Variants in ALDH5A1 observed in about 807,000 individuals in gnomAD.
The protein encoded by ALDH5A1 is succinate-semialdehyde dehydrogenase, mitochondrial.
A neutral mutation model predicts 54.7 loss-of-function variants in ALDH5A1; 33 were observed. The observed-to-expected ratio is 0.60, with a 90% CI of 0.46 to 0.81. The LOEUF (loss-of-function observed/expected upper bound fraction) is 0.81, where lower values mean the gene tolerates loss of function less well. ALDH5A1 is among the 30% of genes least tolerant of loss of function. The pLI is 0.00. For synonymous variants in ALDH5A1, 294 were observed against 292.7 expected (o/e 1.00, Z -0.05); for missense variants, 657 against 711.0 (o/e 0.92, Z 0.86).
intron 5 of ALDH5A1, among the ~76,000 whole-genome samples, chr6:24,516,685 A>T (rs895588382): frequency 6.6e-6 from 1 of 152,030 alleles, no homozygotes; most frequent in African/African-American, 2.4e-5. Context: ...CACACCTGTA[A>T]TCCTCACACT....
rs767854850 is a variant in ALDH5A1, at chr6:24,532,180, A to C, written c.1402+3A>C. On this transcript the variant is annotated splice_donor_region_variant and intron_variant, in intron 9 of 9. Transcript: ENST00000357578. ...CGCAGCTGATGTTGGGTTAGCAGGT[A>C]GGTGTTTGTCCTTGTTCAATACCAG... 10 of 1,614,090 alleles carry C rather than the reference A, an allele frequency of 6.2e-6. No homozygotes were observed. Among genetic ancestry groups the C allele is most frequent in the Non-Finnish European group, 8.5e-6 (10 of 1,179,914 alleles).
At chr6:24,507,175 A>G (rs141407693) in intron 4 of ALDH5A1, among the ~76,000 whole-genome samples, 2 of 152,332 alleles carry the variant, frequency 1.3e-5, no homozygotes, top group East Asian at 3.9e-4. Context: ...TGCTTATGTT[A>G]ATGTCTCTCT....
chr6:24,510,183 C>A lies in ALDH5A1; in HGVS notation c.727-4984C>A, dbSNP rs531159706. On this transcript the variant is annotated intron_variant, in intron 4 of 9. Transcript: ENST00000357578. Reference sequence around the variant, plus strand: ...TCTGAGAGAGTGCTTGATATAATTTCAATTTTCTTAAATTTATTGAGGCTC... The same window carrying A: ...TCTGAGAGAGTGCTTGATATAATTTAAATTTTCTTAAATTTATTGAGGCTC... 6.6e-5 allele frequency among the ~76,000 whole-genome samples: 10 copies of A among 152,240 alleles called. No homozygotes were observed. In the East Asian group the frequency reaches 1.9e-3, roughly 29 times the overall value.
rs768146913 is a variant in ALDH5A1 at position 24,536,502 on chromosome 6, C to T, written c.*2790C>T. The T allele has an allele frequency of 6.6e-6, 1 of 152,170 alleles. No homozygotes were observed. The highest frequency in any genetic ancestry group is 1.5e-5 in the Non-Finnish European group (1 of 68,028). The allele number at this position is 152,170 out of a possible 1,614,324, so 9.4% of individuals were successfully genotyped here. On this transcript the variant is annotated 3_prime_UTR_variant, in exon 10 of 10. Coordinates refer to ENST00000357578, the MANE Select transcript of ALDH5A1 (RefSeq NM_001080.3). Reference sequence around the variant, plus strand: ...AGCCTAAAAGATTTACTACTTGTCTCCTTAAAGAAAAAGTTTGCCAGCTCC... The same window carrying T: ...AGCCTAAAAGATTTACTACTTGTCTTCTTAAAGAAAAAGTTTGCCAGCTCC...
chr6:24,497,244 TC>T (rs1320590871), intron 1 of ALDH5A1, among the ~76,000 whole-genome samples: 4 of 152,200 alleles, frequency 2.6e-5, no homozygotes, highest in African/African-American at 9.6e-5. Flanking sequence ...CTTCCAGTGT[TC>T]CGTTTCTGTC....
At chr6:24,501,949 A>ATCTG (rs1554136360) in intron 1 of ALDH5A1, among the ~76,000 whole-genome samples, 1 of 150,060 alleles carries the variant, frequency 6.7e-6, no homozygotes, top group African/African-American at 2.5e-5. Context: ...GTATATATAT[A>ATCTG]TGTGTATGTG....
chr6:24,531,147 C>T (rs558338984), intron 8 of ALDH5A1, among the ~76,000 whole-genome samples: 7 of 152,342 alleles, frequency 4.6e-5, no homozygotes, highest in Admixed American at 4.6e-4. Flanking sequence ...GCTATCTGTA[C>T]CGTCTTATCC....
Position 24,522,926 on chromosome 6 carries a change from G to A in ALDH5A1, c.1173+1G>A. On this transcript the variant is annotated splice_donor_variant, in intron 7 of 9. Coordinates refer to ENST00000357578, the MANE Select transcript of ALDH5A1 (RefSeq NM_001080.3). LOFTEE classifies it high-confidence loss of function. Reference sequence around the variant, plus strand: ...AATTAATGAAAAAGCGGTAGAAAAGGTAAGTATATTGTATTATTTGTGAAA... The same window carrying A: ...AATTAATGAAAAAGCGGTAGAAAAGATAAGTATATTGTATTATTTGTGAAA... The A allele has an allele frequency of 6.6e-7, 1 of 1,506,134 alleles. No homozygotes were observed. The highest frequency in any genetic ancestry group is 9.0e-7 in the Non-Finnish European group (1 of 1,111,094). The allele number at this position is 1,506,134 out of a possible 1,614,324, so 93.3% of individuals were successfully genotyped here.
At chr6:24,523,291 CA>C (rs1759739274) in intron 7 of ALDH5A1, among the ~76,000 whole-genome samples, 1 of 136,434 alleles carries the variant, frequency 7.3e-6, no homozygotes, top group Admixed American at 7.3e-5. Flanking sequence ...TGTTTTCATA[CA>C]AAAACCACAA....
intron 8 of ALDH5A1, among the ~76,000 whole-genome samples, chr6:24,531,754 G>T (rs1396848740): frequency 6.6e-6 from 1 of 152,130 alleles, no homozygotes; most frequent in Non-Finnish European, 1.5e-5. Flanking sequence ...GCTACATCAG[G>T]CTTGCTTCTA....
intron 5 of ALDH5A1, 27 bp downstream of exon 5, chr6:24,515,337 C>G: frequency 6.2e-7 from 1 of 1,610,306 alleles, no homozygotes; most frequent in Non-Finnish European, 8.5e-7. Flanking sequence ...TCAAAGAAAA[C>G]AAATGTCTTT....
At chr6:24,507,274 G>T (rs1436196829) in intron 4 of ALDH5A1, among the ~76,000 whole-genome samples, 1 of 151,742 alleles carries the variant, frequency 6.6e-6, no homozygotes, top group Non-Finnish European at 1.5e-5. Context: ...TGGGCCTATC[G>T]TGCTTATAAA....
intron 7 of ALDH5A1, 72 bp from the exon 8 acceptor site, chr6:24,527,925 T>C (rs1041417444): frequency 5.1e-6 from 8 of 1,557,806 alleles, no homozygotes; most frequent in African/African-American, 1.4e-5. Flanking sequence ...GAACTAGTTA[T>C]AGTTTTCTGC....
chr6:24,513,757 C>T (rs570244295), intron 4 of ALDH5A1, among the ~76,000 whole-genome samples: 5 of 146,096 alleles, frequency 3.4e-5, no homozygotes, highest in South Asian at 5.2e-4. Flanking sequence ...CTCAGAGGAA[C>T]AGCTGTGGAC....
At chr6:24,504,826 T>C in intron 3 of ALDH5A1, 43 bp from the exon 4 acceptor site, 3 of 1,559,210 alleles carry the variant, frequency 1.9e-6, no homozygotes, top group Non-Finnish European at 2.7e-6. Flanking sequence ...ACTAAGGAGG[T>C]GGTCCTTCCT....
intron 1 of ALDH5A1, among the ~76,000 whole-genome samples, chr6:24,501,777 C>A (rs555723359): frequency 6.6e-6 from 1 of 151,576 alleles, no homozygotes; most frequent in African/African-American, 2.4e-5. Flanking sequence ...CAAACCCAGA[C>A]CCTGTCTCAA....
intron 4 of ALDH5A1, 104 bp from the exon 5 acceptor site, chr6:24,515,063 C>T (rs1759536147): frequency 2.4e-6 from 3 of 1,259,294 alleles, no homozygotes; most frequent in South Asian, 2.7e-5. Context: ...ATTTTTCTTC[C>T]ATTACTTTTT....
chr6:24,532,291 G>A, intron 9 of ALDH5A1, 114 bp downstream of exon 9: 1 of 1,044,348 alleles, frequency 9.6e-7, no homozygotes, highest in East Asian at 2.5e-5. Context: ...AATGAGGTAT[G>A]TGTTTTGTTG....
At chr6:24,499,695 C>T (rs1764783207) in intron 1 of ALDH5A1, among the ~76,000 whole-genome samples, 1 of 139,262 alleles carries the variant, frequency 7.2e-6, no homozygotes, top group Non-Finnish European at 1.5e-5. Context: ...GAGACGGAGT[C>T]TCGCTCTGTC....
Sources: allele counts gnomAD v4.1 joint callset (sites outside exome capture counted in the v4.1 genomes callset), GRCh38; gene constraint gnomAD v4.1.1; transcripts MANE v1.5; gene names NCBI Gene and HGNC (gene_info 2026-07-23, HGNC 2026-07-21).